Variants in XXYLT1 observed in about 807,000 individuals in gnomAD.
The protein encoded by XXYLT1 is UDP-xylose:alpha-xyloside alpha-1,3-xylosyltransferase.
Under a neutral mutation model 28.9 loss-of-function variants are expected in XXYLT1, and 20 were observed. The ratio of observed to expected loss-of-function variants is 0.69; its 90% CI spans 0.49 to 1.00. The LOEUF (loss-of-function observed/expected upper bound fraction) is 1.00. XXYLT1 is among the 50% of genes least tolerant of loss of function. The probability of loss-of-function intolerance (pLI) is 0.00; values close to 1 mark genes in which losing one functional copy is unlikely to be tolerated. For missense variants in XXYLT1, 542 were observed against 560.1 expected (o/e 0.97, Z 0.33); for synonymous variants, 257 against 253.8 (o/e 1.01, Z -0.12).
chr3:195,234,735 T>C (rs1403430050), intron 1 of XXYLT1, among the ~76,000 whole-genome samples: 1 of 152,228 alleles, frequency 6.6e-6, no homozygotes, highest in East Asian at 1.9e-4. Flanking sequence ...CTGCCAGACG[T>C]ACTGGAGCTC....
At chr3:195,249,858 A>G (rs183658419) in intron 1 of XXYLT1, among the ~76,000 whole-genome samples, 1 of 152,100 alleles carries the variant, frequency 6.6e-6, no homozygotes, top group Admixed American at 6.5e-5. Flanking sequence ...CAACATCCCA[A>G]CCTAGTAGCG....
chr3:195,242,983 G>A (rs1724844579), intron 1 of XXYLT1, among the ~76,000 whole-genome samples: 1 of 151,988 alleles, frequency 6.6e-6, no homozygotes, highest in Non-Finnish European at 1.5e-5. Context: ...ATGATAGACT[G>A]GATTAAGAAA....
At chr3:195,120,293 G>A (rs983884318) in intron 3 of XXYLT1, among the ~76,000 whole-genome samples, 165 of 13,268 alleles carry the variant, frequency 0.012, no homozygotes, top group African/African-American at 0.049. Context: ...TGCCCCCCCC[G>A]CCCCAGCCCC....
intron 1 of XXYLT1, among the ~76,000 whole-genome samples, chr3:195,234,502 A>G (rs943332140): frequency 3.3e-5 from 5 of 150,992 alleles, no homozygotes; most frequent in Non-Finnish European, 7.4e-5. Context: ...TATTTTTAGT[A>G]AAGACGGGGT....
At position 195,167,093 on chromosome 3, in the gene XXYLT1, G is replaced by A. The variant is rs567493040; in HGVS notation, c.653-10512C>T. Among the ~76,000 whole-genome samples, 4 of 152,362 alleles carry A rather than the reference G, an allele frequency of 2.6e-5. No individual in the cohort carries two copies. The South Asian group carries it at 6.2e-4, about 24-fold the overall frequency. ...GCCACGGAAGCCATACTGCGTTCTC[G>A]CAGCGCCATGTCGGCAGGCACATGG... On this transcript the variant is annotated intron_variant, in intron 2 of 3. Coordinates refer to ENST00000310380, the MANE Select transcript of XXYLT1 (RefSeq NM_152531.5).
At position 195,257,395 on chromosome 3, in the gene XXYLT1, G is replaced by A. The variant is rs1161217614; in HGVS notation, c.504+13160C>T. On this transcript the variant is annotated intron_variant, in intron 1 of 3. Coordinates refer to ENST00000310380, the MANE Select transcript of XXYLT1 (RefSeq NM_152531.5). This position sits in a 1 kb window ranked among gnomAD's most constrained non-coding sequence, Gnocchi z 4.3. ...CCAGTGTCAGCTCGGCAGGAGCCAG[G>A]GGAAAGGGGCTCACCAGGGTGGAGG... Among the ~76,000 whole-genome samples the A allele has an allele frequency of 2.6e-5, 4 of 152,244 alleles. No homozygotes were observed. The highest frequency in any genetic ancestry group is 5.9e-5 in the Non-Finnish European group (4 of 68,042).
chr3:195,111,952 G>C (rs539477585), intron 3 of XXYLT1, among the ~76,000 whole-genome samples: 40 of 152,308 alleles, frequency 2.6e-4, no homozygotes, highest in Non-Finnish European at 5.1e-4. Context: ...TGCTCTACAT[G>C]CAAAGTGAAC....
chr3:195,191,231 C>T (rs1486610007), intron 2 of XXYLT1, among the ~76,000 whole-genome samples: 1 of 152,094 alleles, frequency 6.6e-6, no homozygotes, highest in East Asian at 1.9e-4. Context: ...CCTACCTCTC[C>T]TGCCTCCCCT....
At chr3:195,125,368 G>A (rs184948614) in intron 3 of XXYLT1, among the ~76,000 whole-genome samples, 11 of 152,364 alleles carry the variant, frequency 7.2e-5, no homozygotes, top group South Asian at 6.2e-4. Context: ...CTTCCATTGC[G>A]GGGCTGGAGA....
chr3:195,083,044 T>C (rs943352683), intron 3 of XXYLT1, among the ~76,000 whole-genome samples: 1 of 152,172 alleles, frequency 6.6e-6, no homozygotes, highest in African/African-American at 2.4e-5. Flanking sequence ...CCCCTGACTC[T>C]GTGACAACGC....
At chr3:195,095,308 G>A (rs1046220801) in intron 3 of XXYLT1, 1 of 153,698 alleles carries the variant, frequency 6.5e-6, no homozygotes, top group African/African-American at 2.4e-5. Flanking sequence ...GCGGTGGTGA[G>A]TGTAATGCCT....
chr3:195,213,019 T>A (rs1487095308), intron 2 of XXYLT1, among the ~76,000 whole-genome samples: 2 of 152,152 alleles, frequency 1.3e-5, no homozygotes, highest in Non-Finnish European at 2.9e-5. Context: ...CGGAAAGTCC[T>A]CCCAATCCCT....
intron 2 of XXYLT1, among the ~76,000 whole-genome samples, chr3:195,185,501 G>A (rs1722157934): frequency 1.8e-5 from 2 of 112,208 alleles, no homozygotes; most frequent in South Asian, 5.8e-4. Context: ...GTTTAGGGCT[G>A]GGTTTTTTTT....
At chr3:195,072,910 A>G (rs778080747) in intron 3 of XXYLT1, among the ~76,000 whole-genome samples, 5 of 152,194 alleles carry the variant, frequency 3.3e-5, no homozygotes, top group South Asian at 2.1e-4. Flanking sequence ...GGGTGTGGAC[A>G]GTATTGGAGC....
intron 1 of XXYLT1, among the ~76,000 whole-genome samples, chr3:195,269,416 C>T (rs182057615): frequency 5.1e-4 from 78 of 152,302 alleles, no homozygotes; most frequent in African/African-American, 1.8e-3. Context: ...AAAGAATGGC[C>T]AAGGGCCCAA....
At chr3:195,110,304 ATAT>A (rs1717512449) in intron 3 of XXYLT1, among the ~76,000 whole-genome samples, 1 of 1,634 alleles carries the variant, frequency 6.1e-4, no homozygotes, top group Non-Finnish European at 1.4e-3. Flanking sequence ...CGTGTGTGGT[ATAT>A]GTGTGTGTGG....
intron 3 of XXYLT1, among the ~76,000 whole-genome samples, chr3:195,127,760 G>A (rs1306206432): frequency 6.9e-6 from 1 of 144,338 alleles, no homozygotes; most frequent in Non-Finnish European, 1.5e-5. Context: ...TTGGGTGACA[G>A]AGTGAGACAA....
chr3:195,110,362 C>CGTGTGTGTGGGGGTGAGGTGTGTGTG (rs1577039440), intron 3 of XXYLT1, among the ~76,000 whole-genome samples: 1 of 3,810 alleles, frequency 2.6e-4, no homozygotes, highest in Non-Finnish European at 5.3e-4. Context: ...GGTGTATGTG[C>CGTGTGTGTGGGGGTGAGGTGTGTGTG]GTGCGTGTGT....
intron 1 of XXYLT1, among the ~76,000 whole-genome samples, chr3:195,242,080 G>A (rs1343545595): frequency 2.0e-5 from 3 of 152,202 alleles, no homozygotes; most frequent in Non-Finnish European, 2.9e-5. Flanking sequence ...TGGAGGCTCT[G>A]TAAATGCTTG....
Sources: allele counts gnomAD v4.1 joint callset (sites outside exome capture counted in the v4.1 genomes callset), GRCh38; gene constraint gnomAD v4.1.1; non-coding constraint Gnocchi (gnomAD v3.1); transcripts MANE v1.5; gene names NCBI Gene and HGNC (gene_info 2026-07-23, HGNC 2026-07-21).